FAM227B: variants seen among roughly 807,000 people sequenced by gnomAD.
The protein encoded by FAM227B is protein FAM227B.
In FAM227B, 88 loss-of-function variants were observed where a neutral mutation model predicts 73.8. The observed-to-expected ratio is 1.19, with a 90% CI of 1.00 to 1.42. FAM227B has a LOEUF of 1.42. FAM227B is among the 40% of genes most tolerant of loss of function. The pLI is 0.00. For missense variants in FAM227B, 632 were observed against 590.9 expected (o/e 1.07, Z -0.72); for synonymous variants, 210 against 190.5 (o/e 1.10, Z -0.84).
Position 49,517,111 on chromosome 15 carries a change from G to A in FAM227B, c.875-8763C>T, listed in dbSNP as rs533148119. 2.0e-5 allele frequency among the ~76,000 whole-genome samples: 3 copies of A among 152,268 alleles called. No homozygotes were observed. The South Asian group carries it at 6.2e-4, about 32-fold the overall frequency. ...GAACTGTAAGATATACATTTGTGTTGTTATAAATCACTAAATGGCAACTTG... is the reference window on the plus strand; with the variant it reads ...GAACTGTAAGATATACATTTGTGTTATTATAAATCACTAAATGGCAACTTG... On this transcript the variant is annotated intron_variant, in intron 10 of 15. Coordinates refer to ENST00000299338, the MANE Select transcript of FAM227B (RefSeq NM_152647.3).
chr15:49,371,061 G>C (rs532686804), intron 12 of FAM227B, among the ~76,000 whole-genome samples: 1 of 152,068 alleles, frequency 6.6e-6, no homozygotes, highest in Non-Finnish European at 1.5e-5. Flanking sequence ...GACATGTTGT[G>C]AGGAAAAAAG....
chr15:49,436,806 AT>A (rs1160446868), intron 11 of FAM227B, among the ~76,000 whole-genome samples: 1 of 151,626 alleles, frequency 6.6e-6, no homozygotes, highest in African/African-American at 2.4e-5. Context: ...CACTGGTGTT[AT>A]TAAAACATCG....
chr15:49,486,950 C>T (rs1386992777), intron 11 of FAM227B: 2 of 151,916 alleles, frequency 1.3e-5, no homozygotes, highest in African/African-American at 4.8e-5. Context: ...CCTAAGGTCA[C>T]GCAGCTGGGT....
At chr15:49,361,708 C>T (rs934145466) in intron 13 of FAM227B, among the ~76,000 whole-genome samples, 1 of 152,070 alleles carries the variant, frequency 6.6e-6, no homozygotes, top group Non-Finnish European at 1.5e-5. Context: ...AATGAGCATA[C>T]GCGTGAATGT....
intron 11 of FAM227B, chr15:49,484,755 T>C: frequency 3.0e-6 from 1 of 337,124 alleles, no homozygotes; most frequent in Non-Finnish European, 5.3e-6. Flanking sequence ...GTAAAACTGG[T>C]TGTACAATCA....
intron 13 of FAM227B, among the ~76,000 whole-genome samples, chr15:49,358,041 T>C (rs2043484534): frequency 6.6e-6 from 1 of 152,070 alleles, no homozygotes. Context: ...TCAACAACCC[T>C]TCATGCTAAA....
chr15:49,530,107 CTACAAA>C (rs919627423), intron 10 of FAM227B, among the ~76,000 whole-genome samples: 7 of 151,728 alleles, frequency 4.6e-5, no homozygotes, highest in Admixed American at 6.6e-5. Flanking sequence ...ATCATATCAT[CTACAAA>C]TACAATTTTA....
At chr15:49,328,897 T>A in intron 15 of FAM227B, 15 of 1,254,248 alleles carry the variant, frequency 1.2e-5, no homozygotes, top group Non-Finnish European at 1.5e-5. Flanking sequence ...CTATCTCCAT[T>A]ACTTAATAGA....
intron 11 of FAM227B, among the ~76,000 whole-genome samples, chr15:49,503,656 C>A (rs2058336163): frequency 6.6e-6 from 1 of 152,038 alleles, no homozygotes; most frequent in African/African-American, 2.4e-5. Context: ...ATTTATGCAG[C>A]CAAAAGACAC....
intron 11 of FAM227B, among the ~76,000 whole-genome samples, chr15:49,392,862 T>G (rs1375184706): frequency 6.6e-6 from 1 of 152,174 alleles, no homozygotes; most frequent in Non-Finnish European, 1.5e-5. Context: ...TTATTTGTAA[T>G]GGAGAAAGGT....
intron 11 of FAM227B, chr15:49,422,480 T>C: frequency 8.0e-7 from 1 of 1,244,908 alleles, no homozygotes; most frequent in Non-Finnish European, 1.0e-6. Context: ...TGTGAAACCA[T>C]TTCCTCCTTT....
intron 11 of FAM227B, among the ~76,000 whole-genome samples, chr15:49,418,694 G>A (rs766010540): frequency 6.6e-6 from 1 of 151,954 alleles, no homozygotes; most frequent in Non-Finnish European, 1.5e-5. Context: ...TATGCTTAGT[G>A]CTTCGGTGAT....
intron 11 of FAM227B, among the ~76,000 whole-genome samples, chr15:49,436,185 A>T (rs2051089870): frequency 6.6e-6 from 1 of 151,564 alleles, no homozygotes; most frequent in Non-Finnish European, 1.5e-5. Flanking sequence ...ATTTTAGTGA[A>T]GAAAGATTGG....
chr15:49,365,166 C>T (rs1009663253), intron 13 of FAM227B: 6 of 759,144 alleles, frequency 7.9e-6, no homozygotes, highest in South Asian at 3.0e-5. Context: ...GGGTTTTCTT[C>T]GTTTTTTGCA....
chr15:49,365,488 CT>C, intron 13 of FAM227B: 2 of 859,536 alleles, frequency 2.3e-6, no homozygotes, highest in Non-Finnish European at 4.1e-6. Flanking sequence ...GATGCACACA[CT>C]CATTACTGAG....
chr15:49,482,795 A>T (rs1238159494), intron 11 of FAM227B, among the ~76,000 whole-genome samples: 13 of 152,078 alleles, frequency 8.5e-5, no homozygotes, highest in African/African-American at 1.2e-4. Flanking sequence ...CATAAGAGCA[A>T]TGCAATAATC....
intron 3 of FAM227B, among the ~76,000 whole-genome samples, chr15:49,593,127 A>T (rs2076680919): frequency 6.6e-6 from 1 of 151,682 alleles, no homozygotes; most frequent in Non-Finnish European, 1.5e-5. Context: ...AAATTCCCTG[A>T]CCCCTTGCGC....
chr15:49,526,056 A>C (rs2060182380), intron 10 of FAM227B, among the ~76,000 whole-genome samples: 1 of 152,056 alleles, frequency 6.6e-6, no homozygotes, highest in South Asian at 2.1e-4. Context: ...AACGAACCTA[A>C]TAGACATTTA....
chr15:49,609,181 A>G (rs142907400), intron 3 of FAM227B, among the ~76,000 whole-genome samples: 1,752 of 152,044 alleles, frequency 0.012, 15 homozygotes, highest in Middle Eastern at 0.037. Flanking sequence ...ATAAAAACAT[A>G]AAAATATTTT....
Sources: allele counts gnomAD v4.1 joint callset (sites outside exome capture counted in the v4.1 genomes callset), GRCh38; gene constraint gnomAD v4.1.1; transcripts MANE v1.5; gene names NCBI Gene and HGNC (gene_info 2026-07-23, HGNC 2026-07-21).